WDR27: variants seen among roughly 807,000 people sequenced by gnomAD.
WDR27 encodes WD repeat domain 27, also known as WD repeat-containing protein 27.
In WDR27, 100 loss-of-function variants were observed where a neutral mutation model predicts 114.4. The ratio of observed to expected loss-of-function variants is 0.87; its 90% CI spans 0.74 to 1.03. The LOEUF (loss-of-function observed/expected upper bound fraction) is 1.03. WDR27 is among the 50% of genes least tolerant of loss of function. The pLI is 0.00. For missense variants in WDR27, 1,129 were observed against 1,092.9 expected, an observed-to-expected ratio of 1.03 and a Z score of -0.47; for synonymous variants, 449 against 423.1, an observed-to-expected ratio of 1.06 and a Z score of -0.75.
At chr6:169,514,757 A>AATATATATATATATATATATATATAT (rs112203960) in intron 25 of WDR27, among the ~76,000 whole-genome samples, 2 of 143,536 alleles carry the variant, frequency 1.4e-5, no homozygotes, top group African/African-American at 5.1e-5. Flanking sequence ...AAAAAAAGAG[A>AATATATATATATATATATATATATAT]ATATATATAT....
At chr6:169,447,517 T>C in the WDR27 span, among the ~76,000 whole-genome samples, 2 of 152,322 alleles carry the variant, frequency 1.3e-5, no homozygotes, top group East Asian at 1.9e-4. Flanking sequence ...AGCATGGAAG[T>C]CCAATTTACA....
chr6:169,664,190 T>C lies in WDR27; in HGVS notation c.880A>G (p.Lys294Glu), dbSNP rs766551744. The C allele has an allele frequency of 2.5e-6, 4 of 1,607,490 alleles. No individual in the cohort carries two copies. In the South Asian group the frequency reaches 3.3e-5, roughly 13 times the overall value. ...KTETFSTRRV[K>E]SGLCSQPEES... ...CCTGGCTGGCTGCACAGCCCAGACT[T>C]AACCCTTCTTGTGGAGAAAGTCTCT... Residue 294 changes from lysine to glutamate, a missense_variant, in exon 8 of 26, where the codon AAG (lysine) becomes GAG (glutamate). Lys to Glu is a moderately conservative substitution (Grantham distance 56). Coordinates refer to ENST00000448612, the MANE Select transcript of WDR27 (RefSeq NM_182552.5).
At chr6:169,529,533 T>C (rs1032187958) in intron 25 of WDR27, among the ~76,000 whole-genome samples, 2 of 152,244 alleles carry the variant, frequency 1.3e-5, no homozygotes, top group Non-Finnish European at 2.9e-5. Flanking sequence ...AAATGCATAT[T>C]CTACAAAGAC....
chr6:169,542,822 T>G (rs916128748), intron 25 of WDR27, among the ~76,000 whole-genome samples: 1 of 152,112 alleles, frequency 6.6e-6, no homozygotes, highest in Admixed American at 6.5e-5. Flanking sequence ...GCAAGCCATA[T>G]GTATAATCTT....
chr6:169,570,994 C>T (rs1039192241), intron 25 of WDR27, among the ~76,000 whole-genome samples: 1 of 152,212 alleles, frequency 6.6e-6, no homozygotes, highest in African/African-American at 2.4e-5. Context: ...TGTATACAAG[C>T]ATCACCACAG....
In WDR27 at chr6:169,638,570, G is replaced by T; in HGVS notation, c.1838C>A (p.Ser613Ter). The T allele has an allele frequency of 6.2e-7, 1 of 1,610,632 alleles. No homozygotes were observed. The highest frequency in any genetic ancestry group is 1.1e-5 in the South Asian group (1 of 90,320). Reference protein sequence around the residue: ...AARDGTLRMWSARGAELALLL... With the variant: ...AARDGTLRMW ...CAGTGCGAGCTCTGCCCCACGAGCCGACCACATTCGCAGGGTCCCGTCCCG... is the reference window on the plus strand; with the variant it reads ...CAGTGCGAGCTCTGCCCCACGAGCCTACCACATTCGCAGGGTCCCGTCCCG... The change falls in exon 18 of 26, where the codon TCG becomes TAG. Residue 613 changes from serine (S) to a stop codon, truncating the protein, a stop_gained. Transcript: ENST00000448612. LOFTEE classifies it high-confidence loss of function.
At chr6:169,568,565 A>T (rs1800868891) in intron 25 of WDR27, among the ~76,000 whole-genome samples, 1 of 152,216 alleles carries the variant, frequency 6.6e-6, no homozygotes, top group Admixed American at 6.5e-5. Context: ...TTGAAAACAA[A>T]TTCTCAAAAT....
At chr6:169,613,083 C>T (rs1185863627) in intron 22 of WDR27, among the ~76,000 whole-genome samples, 1 of 152,198 alleles carries the variant, frequency 6.6e-6, no homozygotes, top group Non-Finnish European at 1.5e-5. Context: ...CTAAAATATA[C>T]TTGATGTGAA....
intron 24 of WDR27, among the ~76,000 whole-genome samples, chr6:169,580,233 C>T (rs1327801956): frequency 4.6e-5 from 7 of 152,228 alleles, no homozygotes; most frequent in Admixed American, 1.3e-4. Flanking sequence ...CCTCATATAC[C>T]GCTAAATGGA....
intron 22 of WDR27, among the ~76,000 whole-genome samples, chr6:169,611,815 T>G (rs558627890): frequency 2.0e-5 from 3 of 152,268 alleles, no homozygotes; most frequent in African/African-American, 7.2e-5. Context: ...GGCAGTGAAA[T>G]GCATGGAGCT....
intron 25 of WDR27, among the ~76,000 whole-genome samples, chr6:169,520,128 G>C (rs1316591215): frequency 6.6e-6 from 1 of 152,136 alleles, no homozygotes; most frequent in Admixed American, 6.5e-5. Context: ...TCTGTAGCTT[G>C]ACAAAAAGAG....
intron 25 of WDR27, among the ~76,000 whole-genome samples, chr6:169,528,086 G>A (rs913417755): frequency 1.4e-4 from 21 of 151,870 alleles, no homozygotes; most frequent in African/African-American, 5.1e-4. Flanking sequence ...TAATCCACAA[G>A]GATTAAGTTC....
the WDR27 span, among the ~76,000 whole-genome samples, chr6:169,437,662 A>G: frequency 6.6e-6 from 1 of 152,144 alleles, no homozygotes; most frequent in Non-Finnish European, 1.5e-5. Flanking sequence ...TTGTTGCTTA[A>G]CTATAGTTCC....
chr6:169,513,265 G>A lies in WDR27; in HGVS notation c.2646-55631C>T, dbSNP rs563755968. Among the ~76,000 whole-genome samples the A allele has an allele frequency of 3.2e-4, 48 of 152,110 alleles. 1 individual carries two copies. The highest frequency in any genetic ancestry group is 6.3e-4 in the Non-Finnish European group (43 of 68,022). ...TGCAGCTCAGTTTCCAAGAGAGAAT[G>A]TTCTGGCAAACAAAGTATTACTAGA... On this transcript the variant is annotated intron_variant, in intron 25 of 25. Transcript: ENST00000448612.
intron 25 of WDR27, among the ~76,000 whole-genome samples, chr6:169,501,900 T>C (rs1470479006): frequency 6.6e-6 from 1 of 152,212 alleles, no homozygotes; most frequent in Non-Finnish European, 1.5e-5. Context: ...TGCTTAGGTC[T>C]GAATCCAGCT....
intron 21 of WDR27, among the ~76,000 whole-genome samples, chr6:169,628,818 G>A (rs1815561317): frequency 6.6e-6 from 1 of 152,210 alleles, no homozygotes; most frequent in Admixed American, 6.5e-5. Flanking sequence ...GCTGCTGCAG[G>A]TGGAGAAATT....
At chr6:169,683,996 G>A (rs1254605844) in intron 2 of WDR27, among the ~76,000 whole-genome samples, 3 of 152,148 alleles carry the variant, frequency 2.0e-5, no homozygotes, top group African/African-American at 7.2e-5. Flanking sequence ...CCTGCTCTGG[G>A]GGCCAGAAGT....
intron 25 of WDR27, 142 bp from the exon 26 acceptor site, chr6:169,457,776 A>C: frequency 1.7e-6 from 1 of 603,920 alleles, no homozygotes; most frequent in Non-Finnish European, 2.9e-6. Context: ...ACATAGTAGA[A>C]TCTATATATA....
chr6:169,531,377 T>C (rs1388266169), intron 25 of WDR27, among the ~76,000 whole-genome samples: 4 of 152,286 alleles, frequency 2.6e-5, no homozygotes, highest in East Asian at 3.9e-4. Flanking sequence ...CTTAATCCCG[T>C]GGACATTGGG....
Sources: allele counts gnomAD v4.1 joint callset (sites outside exome capture counted in the v4.1 genomes callset), GRCh38; gene constraint gnomAD v4.1.1; transcripts MANE v1.5; gene names NCBI Gene and HGNC (gene_info 2026-07-23, HGNC 2026-07-21).